Variants in ADGRL4 observed in about 807,000 individuals in gnomAD.
ADGRL4 encodes the protein EGF, latrophilin and seven transmembrane domain containing 1.
ADGRL4 carries 90 observed loss-of-function variants against 74.8 expected under a neutral mutation model. The ratio of observed to expected loss-of-function variants is 1.20; its 90% CI spans 1.02 to 1.43. The LOEUF (loss-of-function observed/expected upper bound fraction) is 1.43, where lower values mean the gene tolerates loss of function less well. ADGRL4 is among the 40% of genes most tolerant of loss of function. The pLI, the probability that ADGRL4 is intolerant of heterozygous loss-of-function variation, is 0.00. For synonymous variants in ADGRL4, 311 were observed against 279.2 expected (o/e 1.11, Z -1.14); for missense variants, 881 against 814.3 (o/e 1.08, Z -1.00).
chr1:78,917,293 T>C (rs1376691235), intron 12 of ADGRL4, among the ~76,000 whole-genome samples: 1 of 151,858 alleles, frequency 6.6e-6, no homozygotes, highest in Non-Finnish European at 1.5e-5. Flanking sequence ...CAAAAAATGC[T>C]TTTTCCTCTA....
rs368339256 is a variant in ADGRL4 at position 78,917,684 on chromosome 1, C to T, written c.1699G>A (p.Glu567Lys). 4.2e-5 allele frequency: 68 copies of T among 1,607,504 alleles called. No individual in the cohort carries two copies. The highest frequency in any genetic ancestry group is 2.5e-4 in the East Asian group (11 of 44,688). The change falls in exon 12 of 15, where the codon GAA becomes AAA. Residue 567 changes from glutamate (E) to lysine (K), a missense_variant. By Grantham distance (56) the Glu-to-Lys change is moderately conservative (BLOSUM62 1). Transcript: ENST00000370742. ...ATAAAACTCCAAATAAAGTTGTTTT[C>T]GGTGCTAAGCCAACATCTGAAAAGT... ...GTTKVCWLSTENNFIWSFIGP... is the reference protein window; with the variant it reads ...GTTKVCWLSTKNNFIWSFIGP...
Position 79,005,224 on chromosome 1 carries a change from A to G in ADGRL4, c.23-5T>C. The G allele has an allele frequency of 1.2e-6, 2 of 1,601,606 alleles. No homozygotes were observed. Among genetic ancestry groups the G allele is most frequent in the Non-Finnish European group, 1.7e-6 (2 of 1,174,594 alleles). On this transcript the variant is annotated splice_region_variant and splice_polypyrimidine_tract_variant and intron_variant, in intron 1 of 14. Coordinates refer to ENST00000370742, the MANE Select transcript of ADGRL4 (RefSeq NM_022159.4). Reference sequence around the variant, plus strand: ...TCAACAAAGTGGAAAAAACCACTAAATAAAATAGAGAAATACACCTTTTCA... The same window carrying G: ...TCAACAAAGTGGAAAAAACCACTAAGTAAAATAGAGAAATACACCTTTTCA...
At chr1:78,971,888 T>C (rs1456870503) in intron 2 of ADGRL4, among the ~76,000 whole-genome samples, 1 of 152,150 alleles carries the variant, frequency 6.6e-6, no homozygotes, top group Non-Finnish European at 1.5e-5. Context: ...CCCGAGTAGC[T>C]GGGATTACAG....
intron 12 of ADGRL4, among the ~76,000 whole-genome samples, chr1:78,896,094 A>G (rs372192306): frequency 1.3e-5 from 2 of 151,628 alleles, no homozygotes; most frequent in South Asian, 4.2e-4. Flanking sequence ...TTCCTAGGTG[A>G]TCAGACCCAA....
chr1:78,925,306 A>G (rs895057265), intron 8 of ADGRL4, among the ~76,000 whole-genome samples: 2 of 152,070 alleles, frequency 1.3e-5, no homozygotes, highest in East Asian at 1.9e-4. Context: ...TGGTAATAAT[A>G]GTATGTACCT....
intron 12 of ADGRL4, among the ~76,000 whole-genome samples, chr1:78,916,760 C>T (rs537468428): frequency 2.6e-4 from 39 of 151,912 alleles, no homozygotes; most frequent in Admixed American, 1.6e-3. Flanking sequence ...GGCTAGCTTA[C>T]GGTCAACACA....
At chr1:78,955,871 G>A (rs1297670198) in intron 2 of ADGRL4, among the ~76,000 whole-genome samples, 2 of 151,962 alleles carry the variant, frequency 1.3e-5, no homozygotes, top group Non-Finnish European at 2.9e-5. Context: ...CACATCATCA[G>A]TGCAATAAAA....
chr1:78,900,845 G>A (rs961890099), intron 12 of ADGRL4, among the ~76,000 whole-genome samples: 1 of 151,938 alleles, frequency 6.6e-6, no homozygotes, highest in African/African-American at 2.4e-5. Context: ...TGTGAGAATG[G>A]ACTAAATACA....
chr1:78,892,140 A>C (rs890034599), intron 13 of ADGRL4, among the ~76,000 whole-genome samples: 2 of 152,148 alleles, frequency 1.3e-5, no homozygotes, highest in Admixed American at 6.6e-5. Flanking sequence ...TATCTACTAC[A>C]TCAAAGGAGG....
At chr1:78,898,958 A>C (rs554978864) in intron 12 of ADGRL4, among the ~76,000 whole-genome samples, 1 of 152,210 alleles carries the variant, frequency 6.6e-6, no homozygotes, top group Non-Finnish European at 1.5e-5. Context: ...AGCTACAGGT[A>C]CATTCAACCC....
chr1:78,939,593 A>C (rs1239319737), intron 3 of ADGRL4: 1 of 157,654 alleles, frequency 6.3e-6, no homozygotes. Flanking sequence ...ACAACTGTGT[A>C]CTACATATTT....
intron 12 of ADGRL4, among the ~76,000 whole-genome samples, chr1:78,906,951 T>G (rs568358220): frequency 6.6e-6 from 1 of 152,012 alleles, no homozygotes; most frequent in African/African-American, 2.4e-5. Context: ...ATAATTTGCT[T>G]TTAGTTTTTA....
rs1289686508 is a variant in ADGRL4, at chr1:78,903,975, A to AAAT, written c.1750-10789_1750-10787dup. 4.4e-4 allele frequency among the ~76,000 whole-genome samples: 48 copies of AAAT among 108,068 alleles called. 1 individual carries two copies. The highest frequency in any genetic ancestry group is 1.4e-3 in the African/African-American group (46 of 31,792). The allele number at this position is 108,068 out of a possible 152,430, so 70.9% of individuals were successfully genotyped here. Reference sequence around the variant, plus strand: ...TAAATAAATAAATAAATAAATAAATAAATAATAATAATAATAATGTACTAT... The same window carrying AAAT: ...TAAATAAATAAATAAATAAATAAATAAATAATAATAATAATAATAATGTACTAT... On this transcript the variant is annotated intron_variant, in intron 12 of 14. Coordinates refer to ENST00000370742, the MANE Select transcript of ADGRL4 (RefSeq NM_022159.4).
intron 2 of ADGRL4, among the ~76,000 whole-genome samples, chr1:78,983,680 A>G (rs1475405742): frequency 6.6e-6 from 1 of 151,812 alleles, no homozygotes; most frequent in Non-Finnish European, 1.5e-5. Context: ...ACAGATTAAA[A>G]CTTTTACAGA....
At position 79,006,619 on chromosome 1, in the gene ADGRL4, C is replaced by A; in HGVS notation, c.22+14G>T. 6.5e-7 allele frequency: 1 copy of A among 1,534,754 alleles called. No individual in the cohort carries two copies. Among genetic ancestry groups the A allele is most frequent in the African/African-American group, 1.4e-5 (1 of 70,564 alleles). On this transcript the variant is annotated intron_variant, in intron 1 of 14. Coordinates refer to ENST00000370742, the MANE Select transcript of ADGRL4 (RefSeq NM_022159.4). ...CTCCGACGACCTCGGCGACCAGGGG[C>A]GCTGAGCACTCACCTAGGAGCGGGA...
rs1648970141 is a variant in ADGRL4 at position 78,920,314 on chromosome 1, T to C, written c.1330A>G (p.Ile444Val). 4 of 1,610,764 alleles carry C rather than the reference T, an allele frequency of 2.5e-6. No individual in the cohort carries two copies. The East Asian group carries it at 6.7e-5, about 27-fold the overall frequency. ...GIIISLICLA[I>V]CIFTFWFFSE... ...AAGAACCAGAAGGTAAAAATGCATA[T>C]GGCAAGACAAATCAGTGAAATAATT... Residue 444 changes from isoleucine (I) to valine (V), a missense_variant, in exon 10 of 15, where the codon ATA becomes GTA. Ile to Val is a conservative substitution (Grantham distance 29). Coordinates refer to ENST00000370742, the MANE Select transcript of ADGRL4 (RefSeq NM_022159.4).
chr1:79,005,314 C>A, intron 1 of ADGRL4, 95 bp from the exon 2 acceptor site: 1 of 990,034 alleles, frequency 1.0e-6, no homozygotes, highest in Non-Finnish European at 1.4e-6. Flanking sequence ...ATTATCCTCT[C>A]TTTCTATTTA....
At chr1:78,949,489 A>C (rs750634090) in intron 2 of ADGRL4, among the ~76,000 whole-genome samples, 1 of 152,088 alleles carries the variant, frequency 6.6e-6, no homozygotes, top group Non-Finnish European at 1.5e-5. Context: ...TCCAACTCAA[A>C]TATTGTTCGG....
intron 12 of ADGRL4, among the ~76,000 whole-genome samples, chr1:78,901,406 G>C (rs1648515085): frequency 6.6e-6 from 1 of 152,126 alleles, no homozygotes; most frequent in South Asian, 2.1e-4. Context: ...TGTGGAGACT[G>C]AATATATGTG....
Sources: gnomAD v4.1 joint callset for allele counts (sites outside exome capture counted in the v4.1 genomes callset) on GRCh38, gnomAD v4.1.1 for gene constraint, MANE v1.5 for transcripts, NCBI Gene and HGNC (gene_info 2026-07-23, HGNC 2026-07-21) for gene names.